The following ZNF709 variants were observed in gnomAD, a reference collection of about 807,000 sequenced individuals.
The protein encoded by ZNF709 is zinc finger protein 709.
In ZNF709, 15 loss-of-function variants were observed where a neutral mutation model predicts 10.6. The observed-to-expected ratio is 1.41, with a 90% CI of 0.95 to 2.18. The LOEUF is 2.18. Ranked by LOEUF, ZNF709 falls within the 30% of genes most tolerant of loss-of-function variation. The pLI, the probability that ZNF709 is intolerant of heterozygous loss-of-function variation, is 0.00. For missense variants in ZNF709, 589 were observed against 774.0 expected, an observed-to-expected ratio of 0.76 and a Z score of 2.84; for synonymous variants, 194 against 238.8, an observed-to-expected ratio of 0.81 and a Z score of 1.73.
At chr19:12,474,748 A>G (rs1366409614) in intron 1 of ZNF709, among the ~76,000 whole-genome samples, 2 of 152,224 alleles carry the variant, frequency 1.3e-5, no homozygotes, top group Non-Finnish European at 1.5e-5. Context: ...AGAGTGGGAC[A>G]ATACATTCAA....
In ZNF709 at chr19:12,463,426, T is replaced by TA. The variant is rs1970533156; in HGVS notation, c.*569dup. 6.6e-6 allele frequency: 1 copy of TA among 152,200 alleles called. No individual in the cohort carries two copies. The highest frequency in any genetic ancestry group is 2.4e-5 in the African/African-American group (1 of 41,460). 9.4% of individuals were successfully genotyped at this position (152,200 alleles called of 1,614,324 possible). A position where few individuals can be genotyped will look rare whatever the true frequency, so the allele number is the denominator to read the frequency against. On this transcript the variant is annotated 3_prime_UTR_variant, in exon 4 of 4. Transcript: ENST00000397732. Reference sequence around the variant, plus strand: ...TTTAAGGTTATAAATTCTTTACATTTATAGGGCATATGAAAATTCTTTACA... The same window carrying TA: ...TTTAAGGTTATAAATTCTTTACATTTAATAGGGCATATGAAAATTCTTTACA...
At position 12,465,016 on chromosome 19, in the gene ZNF709, G is replaced by A; in HGVS notation, c.906C>T (p.His302=). ...PTSFRSHERI[H]TGEKPYKCKK... is the part of the protein sequence containing the mutation. ...TACATTTATAGGGTTTTTCTCCAGT[G>A]TGAATCCTTTCATGACTTCGAAAGG... Residue 302 remains histidine (H), a synonymous_variant, in exon 4 of 4, where the codon CAC becomes CAT. Transcript: ENST00000397732. 6.2e-7 allele frequency: 1 copy of A among 1,611,408 alleles called. No homozygotes were observed. The highest frequency in any genetic ancestry group is 8.5e-7 in the Non-Finnish European group (1 of 1,179,214).
At chr19:12,483,398 C>G (rs1368129510) in intron 1 of ZNF709, among the ~76,000 whole-genome samples, 1 of 151,166 alleles carries the variant, frequency 6.6e-6, no homozygotes, top group Non-Finnish European at 1.5e-5. Context: ...AAGCGATCCT[C>G]CTGACTCAGC....
intron 1 of ZNF709, among the ~76,000 whole-genome samples, chr19:12,478,678 G>A (rs1213425002): frequency 6.6e-6 from 1 of 152,214 alleles, no homozygotes; most frequent in Non-Finnish European, 1.5e-5. Context: ...GGGAAAGCAG[G>A]GCAGGCTGCC....
In ZNF709 at chr19:12,465,380, C is replaced by T. The variant is rs1179607027; in HGVS notation, c.542G>A (p.Ser181Asn). Residue 181 changes from serine to asparagine, a missense_variant, in exon 4 of 4, where the codon AGT (serine) becomes AAT (asparagine). This residue lies in a region of ZNF709 where 418 missense variants were observed against 496.3 expected (regional missense o/e 0.84). Transcript: ENST00000397732. ...AGTTCTTTCATGTATTTGAAAGGAA[C>T]TGGGCCAACTGAAAGCCTTACCACA... Reference protein sequence around the residue: ...KQCGKAFSWPSSFQIHERTHT... With the variant: ...KQCGKAFSWPNSFQIHERTHT... 2.5e-6 allele frequency: 4 copies of T among 1,613,434 alleles called. No homozygotes were observed. In the Admixed American group the frequency reaches 6.7e-5, roughly 27 times the overall value.
At position 12,466,389 on chromosome 19, in the gene ZNF709, T is replaced by A; in HGVS notation, c.188+73A>T. On this transcript the variant is annotated intron_variant, in intron 3 of 3. Coordinates refer to ENST00000397732, the MANE Select transcript of ZNF709 (RefSeq NM_152601.4). The stretch of plus-strand genomic sequence containing the variant: ...AAATGGGGCTTATTTGTTTCAATTA[T>A]TCATTTTTTAAACCTAATGGCATGC... The A allele has an allele frequency of 2.1e-6, 3 of 1,402,442 alleles. No homozygotes were observed. The East Asian group carries it at 6.9e-5, about 32-fold the overall frequency. The allele number at this position is 1,402,442 out of a possible 1,614,324, so 86.9% of individuals were successfully genotyped here.
chr19:12,462,473 T>C lies in ZNF709; in HGVS notation c.*1523A>G, dbSNP rs1188154767. On this transcript the variant is annotated 3_prime_UTR_variant, in exon 4 of 4. Coordinates refer to ENST00000397732, the MANE Select transcript of ZNF709 (RefSeq NM_152601.4). The stretch of plus-strand genomic sequence containing the variant: ...TCAGATCTCTCTTATTAATACAAAG[T>C]CTATTATTCAAATCACAGCCAGAAG... The C allele has an allele frequency of 6.6e-6, 1 of 152,154 alleles. No individual in the cohort carries two copies. Among genetic ancestry groups the C allele is most frequent in the Non-Finnish European group, 1.5e-5 (1 of 68,046 alleles). The allele number at this position is 152,154 out of a possible 1,614,324, so 9.4% of individuals were successfully genotyped here. A position where few individuals can be genotyped will look rare whatever the true frequency, so the allele number is the denominator to read the frequency against.
At position 12,463,380 on chromosome 19, in the gene ZNF709, G is replaced by A. The variant is rs964542636; in HGVS notation, c.*616C>T. 6 of 152,146 alleles carry A rather than the reference G, an allele frequency of 3.9e-5. No homozygotes were observed. The highest frequency in any genetic ancestry group is 9.6e-5 in the African/African-American group (4 of 41,502). 9.4% of individuals were successfully genotyped at this position (152,146 alleles called of 1,614,324 possible). A position where few individuals can be genotyped will look rare whatever the true frequency, so the allele number is the denominator to read the frequency against. The stretch of plus-strand genomic sequence containing the variant: ...TTTCTACATTTTTTACATTTATAGG[G>A]TTTTCCACATTCTTTACATTTTTAA... On this transcript the variant is annotated 3_prime_UTR_variant, in exon 4 of 4. Transcript: ENST00000397732.
chr19:12,471,226 G>T, intron 1 of ZNF709, among the ~76,000 whole-genome samples: 1 of 152,034 alleles, frequency 6.6e-6, no homozygotes, highest in East Asian at 1.9e-4. Flanking sequence ...CACCAACTAT[G>T]ACTAAATAAG....
At position 12,465,246 on chromosome 19, in the gene ZNF709, A is replaced by C; in HGVS notation, c.676T>G (p.Cys226Gly). 1.2e-6 allele frequency: 2 copies of C among 1,612,916 alleles called. No homozygotes were observed. The highest frequency in any genetic ancestry group is 1.7e-6 in the Non-Finnish European group (2 of 1,179,112). The change falls in exon 4 of 4, where the codon TGT becomes GGT. Residue 226 changes from cysteine to glycine, a missense_variant. This residue lies in a region of ZNF709 where 418 missense variants were observed against 496.3 expected (regional missense o/e 0.84). Transcript: ENST00000397732. ...RMHTGEKPYK[C>G]KECGKTFSHP... The stretch of plus-strand genomic sequence containing the variant: ...CTGAACGTTTTCCCGCATTCTTTAC[A>C]TTTATAGGGTTTCTCCCCTGTGTGC...
chr19:12,466,919 A>AT, intron 1 of ZNF709, 69 bp from the exon 2 acceptor site: 1 of 1,522,686 alleles, frequency 6.6e-7, no homozygotes, highest in Non-Finnish European at 8.8e-7. Context: ...AACTCAGTTC[A>AT]TTAAAAGTTC....
intron 2 of ZNF709, 81 bp from the exon 3 acceptor site, chr19:12,466,600 G>A (rs2144988518): frequency 6.3e-7 from 1 of 1,598,752 alleles, no homozygotes; most frequent in East Asian, 2.2e-5. Context: ...AGGATGAGCT[G>A]TTATCCTGTC....
At chr19:12,470,608 A>AC (rs1165150958) in intron 1 of ZNF709, among the ~76,000 whole-genome samples, 2 of 151,938 alleles carry the variant, frequency 1.3e-5, no homozygotes, top group Non-Finnish European at 2.9e-5. Context: ...TTTGGGAGGG[A>AC]CCCCGCCAAC....
Position 12,465,331 on chromosome 19 carries a change from T to C in ZNF709, c.591A>G (p.Glu197=). The part of the protein sequence containing the change: ...ERTHTGEKPY[E]CKECGKAFIY... ...TGAAGGCCTTCCCACATTCCTTACA[T>C]TCATAAGGTTTCTCTCCAGTATGAG... is the stretch of plus-strand genomic sequence containing the variant. Residue 197 remains glutamate, a synonymous_variant, in exon 4 of 4, where the codon GAA becomes GAG. Coordinates refer to ENST00000397732, the MANE Select transcript of ZNF709 (RefSeq NM_152601.4). The C allele has an allele frequency of 6.2e-7, 1 of 1,613,082 alleles. No individual in the cohort carries two copies. Among genetic ancestry groups the C allele is most frequent in the Non-Finnish European group, 8.5e-7 (1 of 1,179,654 alleles).
intron 1 of ZNF709, among the ~76,000 whole-genome samples, chr19:12,477,277 T>G (rs928584218): frequency 6.6e-6 from 1 of 152,224 alleles, no homozygotes; most frequent in African/African-American, 2.4e-5. Flanking sequence ...ATAATACTTT[T>G]CAACCCTTCA....
chr19:12,472,172 T>C (rs1205082394), intron 1 of ZNF709, among the ~76,000 whole-genome samples: 1 of 151,942 alleles, frequency 6.6e-6, no homozygotes. Context: ...CAAGACTCTG[T>C]CAATAAATAA....
At position 12,464,975 on chromosome 19, in the gene ZNF709, G is replaced by C. The variant is rs1449518976; in HGVS notation, c.947C>G (p.Ala316Gly). 2 of 1,606,408 alleles carry C rather than the reference G, an allele frequency of 1.2e-6. No homozygotes were observed. Among genetic ancestry groups the C allele is most frequent in the Non-Finnish European group, 1.7e-6 (2 of 1,177,614 alleles). ...KPYKCKKCGK[A>G]FSFPSSFRKH... is the part of the protein sequence containing the mutation. ...TCTAAAGGAACTAGGAAAACTGAAG[G>C]CTTTCCCACATTTTTTACATTTATA... The change falls in exon 4 of 4, where the codon GCC becomes GGC. Residue 316 changes from alanine (A) to glycine (G), a missense_variant. Coordinates refer to ENST00000397732, the MANE Select transcript of ZNF709 (RefSeq NM_152601.4).
chr19:12,483,720 G>C (rs892680253), intron 1 of ZNF709, among the ~76,000 whole-genome samples: 2 of 151,978 alleles, frequency 1.3e-5, no homozygotes, highest in African/African-American at 4.8e-5. Context: ...TATATTTTTA[G>C]TAGAGACGGG....
rs1453179041 is a variant in ZNF709 at position 12,464,871 on chromosome 19, A to G, written c.1051T>C (p.Tyr351His). 4.3e-6 allele frequency: 7 copies of G among 1,614,036 alleles called. No individual in the cohort carries two copies. Among genetic ancestry groups the G allele is most frequent in the Non-Finnish European group, 5.1e-6 (6 of 1,179,960 alleles). Residue 351 changes from tyrosine (Y) to histidine (H), a missense_variant, in exon 4 of 4, where the codon TAT becomes CAT. This residue lies in a region of ZNF709 where 418 missense variants were observed against 496.3 expected (regional missense o/e 0.84). Coordinates refer to ENST00000397732, the MANE Select transcript of ZNF709 (RefSeq NM_152601.4). The stretch of plus-strand genomic sequence containing the variant: ...GTGTGCATTATCATATGTCTTCGAT[A>G]GCTTGGAAGAGAAATGAATGCTTTC... ...CGKAFISLPS[Y>H]RRHMIMHTGN...
Sources: allele counts gnomAD v4.1 joint callset (sites outside exome capture counted in the v4.1 genomes callset), GRCh38; gene constraint gnomAD v4.1.1; regional missense constraint gnomAD v4.1.1; transcripts MANE v1.5; gene names NCBI Gene and HGNC (gene_info 2026-07-23, HGNC 2026-07-21).